PPP1R9A: variants seen among roughly 807,000 people sequenced by gnomAD.
PPP1R9A encodes the protein protein phosphatase 1 regulatory subunit 9A.
In PPP1R9A, 59 loss-of-function variants were observed where a neutral mutation model predicts 141.9. That is an observed-to-expected ratio of 0.42 (90% CI 0.34 to 0.52). The LOEUF (loss-of-function observed/expected upper bound fraction) is 0.52, where lower values mean the gene tolerates loss of function less well. Among genes scored for constraint, PPP1R9A ranks in the 20% least tolerant of loss-of-function variants. The probability of loss-of-function intolerance (pLI) is 0.10; values close to 1 mark genes in which losing one functional copy is unlikely to be tolerated. For synonymous variants in PPP1R9A, 500 were observed against 569.7 expected, an observed-to-expected ratio of 0.88 and a Z score of 1.74; for missense variants, 1,444 against 1,611.9, an observed-to-expected ratio of 0.90 and a Z score of 1.78.
intron 4 of PPP1R9A, among the ~76,000 whole-genome samples, chr7:95,151,230 A>T (rs548579481): frequency 6.6e-6 from 1 of 152,352 alleles, no homozygotes; most frequent in East Asian, 1.9e-4. Context: ...AGCCACCAGG[A>T]TGTCCTACAC....
chr7:95,181,992 G>A (rs1382555934), intron 5 of PPP1R9A, among the ~76,000 whole-genome samples: 1 of 151,606 alleles, frequency 6.6e-6, no homozygotes, highest in Non-Finnish European at 1.5e-5. Flanking sequence ...AGGATGTAAA[G>A]GCATAAGAAT....
At chr7:95,008,852 G>A (rs879594933) in intron 2 of PPP1R9A, among the ~76,000 whole-genome samples, 3 of 152,056 alleles carry the variant, frequency 2.0e-5, no homozygotes, top group East Asian at 3.9e-4. Context: ...ACATGCACAC[G>A]TATGTTTATT....
chr7:95,002,885 C>A (rs1253876128), intron 2 of PPP1R9A, among the ~76,000 whole-genome samples: 1 of 152,032 alleles, frequency 6.6e-6, no homozygotes, highest in South Asian at 2.1e-4. Context: ...ATAGCTATGA[C>A]TATAAAAGGG....
intron 2 of PPP1R9A, among the ~76,000 whole-genome samples, chr7:94,997,427 G>T (rs1286265777): frequency 2.6e-5 from 4 of 152,086 alleles, no homozygotes; most frequent in African/African-American, 9.7e-5. Flanking sequence ...TGCTGTCAAA[G>T]CTACTGTGGT....
At chr7:95,239,745 T>C (rs1229705168) in intron 8 of PPP1R9A, among the ~76,000 whole-genome samples, 2 of 151,754 alleles carry the variant, frequency 1.3e-5, no homozygotes, top group Non-Finnish European at 1.5e-5. Flanking sequence ...TTGAAAAGTG[T>C]TTAAAAATTT....
chr7:95,190,762 T>G (rs1835383162), intron 5 of PPP1R9A, among the ~76,000 whole-genome samples: 2 of 152,210 alleles, frequency 1.3e-5, no homozygotes, highest in African/African-American at 2.4e-5. Context: ...TCTTTTAGTT[T>G]TCCTGGTACA....
chr7:94,967,086 T>A (rs1042431893), intron 2 of PPP1R9A, among the ~76,000 whole-genome samples: 1 of 152,202 alleles, frequency 6.6e-6, no homozygotes, highest in Non-Finnish European at 1.5e-5. Context: ...TTACTAGAGT[T>A]TCTAGTTTAT....
intron 5 of PPP1R9A, among the ~76,000 whole-genome samples, chr7:95,171,854 C>T (rs1194478296): frequency 6.6e-6 from 1 of 151,464 alleles, no homozygotes; most frequent in East Asian, 1.9e-4. Flanking sequence ...TTTTAAAAGG[C>T]ATTAAAATAC....
chr7:94,910,655 A>G lies in PPP1R9A; in HGVS notation c.542A>G (p.Asn181Ser). The G allele has an allele frequency of 1.9e-6, 3 of 1,614,214 alleles. No homozygotes were observed. Among genetic ancestry groups the G allele is most frequent in the Non-Finnish European group, 2.5e-6 (3 of 1,180,036 alleles). Residue 181 changes from asparagine (N) to serine (S), a missense_variant, in exon 2 of 20, where the codon AAC (asparagine) becomes AGC (serine). Asn to Ser is a conservative substitution (Grantham distance 46, BLOSUM62 1). Transcript: ENST00000433360. The surrounding 1 kb of genome is among the most constrained non-coding windows in gnomAD (Gnocchi z 4.5). ...GATGAATGGGGAGGTTCCAAGTCCA[A>G]CAGAGGCAGTACTGATTCCTTGGAC... ...PQDEWGGSKSNRGSTDSLDSL... is the reference protein window; with the variant it reads ...PQDEWGGSKSSRGSTDSLDSL...
At chr7:95,056,440 A>G (rs1278107153) in intron 2 of PPP1R9A, among the ~76,000 whole-genome samples, 1 of 152,156 alleles carries the variant, frequency 6.6e-6, no homozygotes. Flanking sequence ...AGCATAGCAG[A>G]TATATTTTTT....
chr7:94,935,753 G>C (rs972914611), intron 2 of PPP1R9A, among the ~76,000 whole-genome samples: 62 of 152,114 alleles, frequency 4.1e-4, no homozygotes, highest in African/African-American at 1.3e-3. Context: ...ATTAACAAAA[G>C]TATTGCTGTG....
intron 2 of PPP1R9A, among the ~76,000 whole-genome samples, chr7:95,092,783 G>A (rs1159406353): frequency 1.3e-5 from 2 of 152,200 alleles, no homozygotes; most frequent in African/African-American, 4.8e-5. Context: ...TAGACAAGAG[G>A]ATAGTCATCT....
intron 7 of PPP1R9A, among the ~76,000 whole-genome samples, chr7:95,225,348 C>T (rs1237893025): frequency 6.6e-6 from 1 of 152,132 alleles, no homozygotes; most frequent in African/African-American, 2.4e-5. Context: ...CTCACATTGA[C>T]AGAATACTCA....
In PPP1R9A at chr7:94,924,552, G is replaced by C. The variant is rs150842041; in HGVS notation, c.1395+13044G>C. 2.9e-3 allele frequency among the ~76,000 whole-genome samples: 442 copies of C among 152,008 alleles called. 4 individuals carry two copies. The highest frequency in any genetic ancestry group is 0.01 in the African/African-American group (419 of 41,486). ...TGCATTATTAGCATTTTTTTGAGAC[G>C]GAGTCTTGCTCTGTTGCCCAGGCTG... On this transcript the variant is annotated intron_variant, in intron 2 of 19. Transcript: ENST00000433360.
rs550059004 is a variant in PPP1R9A at position 95,079,180 on chromosome 7, A to G, written c.1396-32079A>G. ...TGTATAAGGTGTAAGGAAGGGATCCAGTTTCAGCTTTCTACATATGGCTAG... is the reference window on the plus strand; with the variant it reads ...TGTATAAGGTGTAAGGAAGGGATCCGGTTTCAGCTTTCTACATATGGCTAG... On this transcript the variant is annotated intron_variant, in intron 2 of 19. Coordinates refer to ENST00000433360, the MANE Select transcript of PPP1R9A (RefSeq NM_001166160.2). 6.6e-5 allele frequency among the ~76,000 whole-genome samples: 10 copies of G among 152,320 alleles called. No homozygotes were observed. The East Asian group carries it at 1.9e-3, about 29-fold the overall frequency.
chr7:95,109,502 G>A (rs376518062), intron 2 of PPP1R9A, among the ~76,000 whole-genome samples: 14 of 152,122 alleles, frequency 9.2e-5, no homozygotes, highest in East Asian at 7.7e-4. Context: ...GGAAGTGAAG[G>A]ATCAAAAGAG....
chr7:95,219,121 C>T (rs1794000636), intron 7 of PPP1R9A, among the ~76,000 whole-genome samples: 1 of 152,074 alleles, frequency 6.6e-6, no homozygotes, highest in South Asian at 2.1e-4. Flanking sequence ...TGTTCCTTTC[C>T]ATGTTTAATG....
chr7:95,053,963 T>G (rs1490619806), intron 2 of PPP1R9A, among the ~76,000 whole-genome samples: 1 of 152,172 alleles, frequency 6.6e-6, no homozygotes, highest in African/African-American at 2.4e-5. Context: ...AAACAACGTT[T>G]AGCCTAAAAA....
chr7:95,161,720 G>T, intron 4 of PPP1R9A, 147 bp from the exon 5 acceptor site: 1 of 546,482 alleles, frequency 1.8e-6, no homozygotes, highest in Non-Finnish European at 3.2e-6. Context: ...ACAGGAAGCA[G>T]AACTGACTGT....
Sources: gnomAD v4.1 joint callset for allele counts (sites outside exome capture counted in the v4.1 genomes callset) on GRCh38, gnomAD v4.1.1 for gene constraint, Gnocchi (gnomAD v3.1) non-coding constraint, MANE v1.5 for transcripts, NCBI Gene and HGNC (gene_info 2026-07-23, HGNC 2026-07-21) for gene names.